PRKCE: variants seen among roughly 807,000 people sequenced by gnomAD.
PRKCE encodes the protein protein kinase C epsilon type.
A neutral mutation model predicts 85.4 loss-of-function variants in PRKCE; 16 were observed. The ratio of observed to expected loss-of-function variants is 0.19; its 90% CI spans 0.13 to 0.28. The LOEUF is 0.28. Among genes scored for constraint, PRKCE ranks in the 10% least tolerant of loss-of-function variants. The pLI is 1.00. For synonymous variants in PRKCE, 388 were observed against 371.5 expected (o/e 1.04, Z -0.51); for missense variants, 573 against 975.2 (o/e 0.59, Z 5.49).
rs776766482 is a variant in PRKCE at position 46,145,067 on chromosome 2, CATT to C, written c.1593-23_1593-21del. 1 of 1,599,584 alleles carries C rather than the reference CATT, an allele frequency of 6.3e-7. No homozygotes were observed. The highest frequency in any genetic ancestry group is 8.5e-7 in the Non-Finnish European group (1 of 1,179,846). On this transcript the variant is annotated intron_variant, in intron 11 of 14. Coordinates refer to ENST00000306156, the MANE Select transcript of PRKCE (RefSeq NM_005400.3). This position sits in a 1 kb window ranked among gnomAD's most constrained non-coding sequence, Gnocchi z 4.6. ...TATATTGGGGTGAGTGACGTATTGA[CATT>C]ATGGTCCTGGCCTATCTTGCAGGGA...
At position 46,095,888 on chromosome 2, in the gene PRKCE, T is replaced by C. The variant is rs765614189; in HGVS notation, c.1592+9526T>C. 3.9e-4 allele frequency among the ~76,000 whole-genome samples: 60 copies of C among 152,228 alleles called. 1 individual carries two copies. Among genetic ancestry groups the C allele is most frequent in the Non-Finnish European group, 7.8e-4 (53 of 68,028 alleles). ...AATAGCAAAACACTTATTTAGCCTT[T>C]GTGTAGCCAGACACTATTCTAAACA... On this transcript the variant is annotated intron_variant, in intron 11 of 14. Transcript: ENST00000306156.
chr2:46,019,847 C>CT (rs869079304), intron 10 of PRKCE, among the ~76,000 whole-genome samples: 3,846 of 105,890 alleles, frequency 0.036, 167 homozygotes, highest in East Asian at 0.085. Context: ...TTGGTTTTCT[C>CT]TTTTTTTTTT....
chr2:45,938,703 A>C (rs987840379), intron 2 of PRKCE, among the ~76,000 whole-genome samples: 1 of 150,802 alleles, frequency 6.6e-6, no homozygotes, highest in East Asian at 1.9e-4. Flanking sequence ...ATCATGCCTT[A>C]TTCAGCAACT....
At chr2:45,730,103 T>A (rs1681434778) in intron 1 of PRKCE, among the ~76,000 whole-genome samples, 1 of 152,132 alleles carries the variant, frequency 6.6e-6, no homozygotes, top group Admixed American at 6.5e-5. Context: ...GAGGTTACAG[T>A]CATGTTACCA....
intron 11 of PRKCE, among the ~76,000 whole-genome samples, chr2:46,094,807 T>TAA (rs70937986): frequency 2.7e-5 from 4 of 146,574 alleles, no homozygotes; most frequent in African/African-American, 7.6e-5. Context: ...AAGTTGAAGT[T>TAA]AAAAAAAAAA....
chr2:45,915,690 G>T (rs1184817834), intron 2 of PRKCE, among the ~76,000 whole-genome samples: 2 of 152,206 alleles, frequency 1.3e-5, no homozygotes, highest in Non-Finnish European at 2.9e-5. Context: ...GCAGAGCGTG[G>T]TGCTGGTGGA....
intron 1 of PRKCE, among the ~76,000 whole-genome samples, chr2:45,656,577 C>T (rs1675389029): frequency 6.6e-6 from 1 of 152,252 alleles, no homozygotes; most frequent in Admixed American, 6.5e-5. Context: ...GTTAATAACG[C>T]TACTCAGACT....
intron 1 of PRKCE, among the ~76,000 whole-genome samples, chr2:45,732,161 G>T (rs1681635268): frequency 6.6e-6 from 1 of 152,040 alleles, no homozygotes; most frequent in Admixed American, 6.6e-5. Context: ...TTTTGGAACA[G>T]ACTGTCATTG....
rs1676005335 is a variant in PRKCE at position 46,145,689 on chromosome 2, G to A, written c.1731+458G>A. Among the ~76,000 whole-genome samples, 2 of 152,100 alleles carry A rather than the reference G, an allele frequency of 1.3e-5. No individual in the cohort carries two copies. The highest frequency in any genetic ancestry group is 2.4e-5 in the African/African-American group (1 of 41,418). Reference sequence around the variant, plus strand: ...TCAAGACCAGCCGGGGCAACATGGTGAAACCCTGTCTATATAAAAAATACA... The same window carrying A: ...TCAAGACCAGCCGGGGCAACATGGTAAAACCCTGTCTATATAAAAAATACA... On this transcript the variant is annotated intron_variant, in intron 12 of 14. Transcript: ENST00000306156. The surrounding 1 kb of genome is among the most constrained non-coding windows in gnomAD (Gnocchi z 4.6).
At chr2:45,779,075 G>T (rs116189581) in intron 1 of PRKCE, among the ~76,000 whole-genome samples, 1,803 of 152,288 alleles carry the variant, frequency 0.012, 20 homozygotes, top group Non-Finnish European at 0.019. Flanking sequence ...CTGGATTCCC[G>T]TTTTATACGT....
At chr2:45,817,910 G>T (rs1689213248) in intron 1 of PRKCE, among the ~76,000 whole-genome samples, 1 of 152,174 alleles carries the variant, frequency 6.6e-6, no homozygotes. Flanking sequence ...CAAAGTGTCT[G>T]GGCAAGCTAC....
chr2:46,182,542 C>G (rs1045586596), intron 14 of PRKCE, among the ~76,000 whole-genome samples: 4 of 152,156 alleles, frequency 2.6e-5, no homozygotes, highest in African/African-American at 7.2e-5. Flanking sequence ...CTGGGGATCC[C>G]TTGGGTTTTC....
intron 1 of PRKCE, among the ~76,000 whole-genome samples, chr2:45,673,230 C>T (rs2103849509): frequency 6.6e-6 from 1 of 152,180 alleles, no homozygotes; most frequent in East Asian, 1.9e-4. Context: ...TGTAACTCTT[C>T]CCTTGGAGCA....
intron 2 of PRKCE, among the ~76,000 whole-genome samples, chr2:45,949,126 C>G (rs1349648943): frequency 6.6e-6 from 1 of 152,202 alleles, no homozygotes; most frequent in Non-Finnish European, 1.5e-5. Context: ...TACATGTATA[C>G]TGAGGAAGGA....
intron 2 of PRKCE, among the ~76,000 whole-genome samples, chr2:45,949,300 A>C (rs185281536): frequency 6.6e-6 from 1 of 152,226 alleles, no homozygotes; most frequent in African/African-American, 2.4e-5. Flanking sequence ...TCAACTAATA[A>C]ATACGATGTG....
chr2:45,934,752 C>T (rs930596661), intron 2 of PRKCE, among the ~76,000 whole-genome samples: 1 of 151,938 alleles, frequency 6.6e-6, no homozygotes, highest in South Asian at 2.1e-4. Context: ...TTTTGCTCCA[C>T]TAGAAAGAAA....
chr2:45,925,078 G>C lies in PRKCE; in HGVS notation c.413-51351G>C, dbSNP rs181396190. Among the ~76,000 whole-genome samples the C allele has an allele frequency of 5.2e-3, 795 of 152,224 alleles. 8 individuals are homozygous for C. The highest frequency in any genetic ancestry group is 6.3e-3 in the Non-Finnish European group (426 of 68,018). On this transcript the variant is annotated intron_variant, in intron 2 of 14. Coordinates refer to ENST00000306156, the MANE Select transcript of PRKCE (RefSeq NM_005400.3). ...TTTAAAGGTATCCACTGTGGACATG[G>C]GTAGGCTTGCTAAGGTCTTAAAGTA...
At chr2:45,867,743 G>GCA (rs1388445982) in intron 2 of PRKCE, among the ~76,000 whole-genome samples, 2 of 152,172 alleles carry the variant, frequency 1.3e-5, no homozygotes, top group Non-Finnish European at 1.5e-5. Context: ...GTGTGTGTGT[G>GCA]CACGTGTGTG....
rs2881066 is a variant in PRKCE at position 45,727,618 on chromosome 2, C to G, written c.348+75170C>G. On this transcript the variant is annotated intron_variant, in intron 1 of 14. Coordinates refer to ENST00000306156, the MANE Select transcript of PRKCE (RefSeq NM_005400.3). ...TTCTTGCCATTGCATTGGTTGGACT[C>G]TGCTTCTTGACTTCACATTGGGGCA... is the stretch of plus-strand genomic sequence containing the variant. Among the ~76,000 whole-genome samples, 984 of 152,238 alleles carry G rather than the reference C, an allele frequency of 6.5e-3. 8 individuals are homozygous for G. Among genetic ancestry groups the G allele is most frequent in the African/African-American group, 0.022 (930 of 41,556 alleles).
Sources: allele counts gnomAD v4.1 joint callset (sites outside exome capture counted in the v4.1 genomes callset), GRCh38; gene constraint gnomAD v4.1.1; non-coding constraint Gnocchi (gnomAD v3.1); transcripts MANE v1.5; gene names NCBI Gene and HGNC (gene_info 2026-07-23, HGNC 2026-07-21).